The following TMEM132B variants were observed in gnomAD, a reference collection of about 807,000 sequenced individuals.
TMEM132B encodes the protein transmembrane protein 132B.
A neutral mutation model predicts 90.8 loss-of-function variants in TMEM132B; 18 were observed. The ratio of observed to expected loss-of-function variants is 0.20; its 90% CI spans 0.14 to 0.29. The LOEUF (loss-of-function observed/expected upper bound fraction) is 0.29, where lower values mean the gene tolerates loss of function less well. Ranked by LOEUF, TMEM132B falls within the 10% of genes least tolerant of loss-of-function variation. TMEM132B has a pLI of 1.00. For missense variants in TMEM132B, 1,096 were observed against 1,326.8 expected, an observed-to-expected ratio of 0.83 and a Z score of 2.70; for synonymous variants, 504 against 523.3, an observed-to-expected ratio of 0.96 and a Z score of 0.50.
At chr12:125,512,323 G>T (rs1369034663) in intron 3 of TMEM132B, among the ~76,000 whole-genome samples, 1 of 152,152 alleles carries the variant, frequency 6.6e-6, no homozygotes, top group Non-Finnish European at 1.5e-5. Flanking sequence ...TTACTATTTT[G>T]GGGGGTATAG....
At chr12:125,529,665 T>C (rs1310367072) in intron 4 of TMEM132B, among the ~76,000 whole-genome samples, 9 of 152,230 alleles carry the variant, frequency 5.9e-5, no homozygotes, top group Non-Finnish European at 1.3e-4. Context: ...ACATGGGCCC[T>C]TGGGGTCTGT....
intron 5 of TMEM132B, among the ~76,000 whole-genome samples, chr12:125,629,568 A>G (rs180908447): frequency 6.6e-6 from 1 of 152,076 alleles, no homozygotes; most frequent in Non-Finnish European, 1.5e-5. Flanking sequence ...CAAATATAAG[A>G]TCATATAATC....
chr12:125,334,221 T>TA (rs1167974485), intron 1 of TMEM132B, among the ~76,000 whole-genome samples: 1 of 152,224 alleles, frequency 6.6e-6, no homozygotes, highest in African/African-American at 2.4e-5. Context: ...AATTAACACA[T>TA]ATGCAGAATC....
chr12:125,631,131 A>G (rs575651496), intron 5 of TMEM132B, among the ~76,000 whole-genome samples: 2 of 152,172 alleles, frequency 1.3e-5, no homozygotes, highest in East Asian at 3.9e-4. Context: ...TTACAGCTAT[A>G]TACTTCCCTT....
At chr12:125,612,307 C>T (rs1885850964) in intron 5 of TMEM132B, among the ~76,000 whole-genome samples, 1 of 151,736 alleles carries the variant, frequency 6.6e-6, no homozygotes, top group Non-Finnish European at 1.5e-5. Flanking sequence ...AACCCTGCCT[C>T]TACTAGAAAT....
At chr12:125,584,662 T>C (rs1348304731) in intron 5 of TMEM132B, 3 of 152,318 alleles carry the variant, frequency 2.0e-5, no homozygotes, top group Admixed American at 2.0e-4. Context: ...TTCTGCTAGA[T>C]TCTTCACTCA....
chr12:125,518,698 C>A (rs543959590), intron 3 of TMEM132B, among the ~76,000 whole-genome samples: 1 of 152,214 alleles, frequency 6.6e-6, no homozygotes, highest in African/African-American at 2.4e-5. Flanking sequence ...TCACACTAGT[C>A]TTTTTCAGTT....
At chr12:125,418,346 A>G (rs1880079022) in intron 3 of TMEM132B, among the ~76,000 whole-genome samples, 1 of 152,196 alleles carries the variant, frequency 6.6e-6, no homozygotes, top group Non-Finnish European at 1.5e-5. Context: ...ACATTGTCTC[A>G]TAAAGGAGAA....
In TMEM132B at chr12:125,581,538, C is replaced by T. The variant is rs1322077297; in HGVS notation, c.1294-2313C>T. 4.6e-5 allele frequency among the ~76,000 whole-genome samples: 7 copies of T among 152,140 alleles called. No homozygotes were observed. The East Asian group carries it at 5.8e-4, about 13-fold the overall frequency. On this transcript the variant is annotated intron_variant, in intron 4 of 8. Transcript: ENST00000682704. ...TGTATTTTGGTCATGTGCTTTTCTG[C>T]GAAGTCTGACTGGGTGTTCTGGGAT...
At chr12:125,190,488 T>G (rs1023533427) in intron 1 of TMEM132B, among the ~76,000 whole-genome samples, 26 of 38,110 alleles carry the variant, frequency 6.8e-4, no homozygotes, top group Non-Finnish European at 8.4e-4. Context: ...TGGGAAGGGG[T>G]GGTGATGGTG....
chr12:125,656,858 A>G lies in TMEM132B; in HGVS notation c.*2148A>G, dbSNP rs1887076111. 6.6e-6 allele frequency: 1 copy of G among 152,254 alleles called. No individual in the cohort carries two copies. The highest frequency in any genetic ancestry group is 1.5e-5 in the Non-Finnish European group (1 of 68,076). 9.4% of individuals were successfully genotyped at this position (152,254 alleles called of 1,614,324 possible). On this transcript the variant is annotated 3_prime_UTR_variant, in exon 9 of 9. Coordinates refer to ENST00000682704, the MANE Select transcript of TMEM132B (RefSeq NM_001366854.1). Reference sequence around the variant, plus strand: ...CCTTTGGATCTCTGGCATTCCAGAAAGACTGGGAATTCATTTCTGAAAATG... The same window carrying G: ...CCTTTGGATCTCTGGCATTCCAGAAGGACTGGGAATTCATTTCTGAAAATG...
At chr12:125,369,373 T>C (rs1878227089) in intron 2 of TMEM132B, among the ~76,000 whole-genome samples, 1 of 152,232 alleles carries the variant, frequency 6.6e-6, no homozygotes, top group Non-Finnish European at 1.5e-5. Context: ...TTATAATCCT[T>C]TGGGTATATA....
intron 4 of TMEM132B, among the ~76,000 whole-genome samples, chr12:125,531,725 C>T (rs557636789): frequency 1.3e-5 from 2 of 152,358 alleles, no homozygotes; most frequent in South Asian, 2.1e-4. Flanking sequence ...CGCACCATTT[C>T]ACCTGATTGA....
At chr12:125,536,765 A>G (rs1046613662) in intron 4 of TMEM132B, among the ~76,000 whole-genome samples, 2 of 152,200 alleles carry the variant, frequency 1.3e-5, no homozygotes. Context: ...AGATGCCCAC[A>G]TGTGAATTCC....
intron 5 of TMEM132B, among the ~76,000 whole-genome samples, chr12:125,637,287 G>A (rs1480744883): frequency 1.3e-5 from 2 of 152,128 alleles, no homozygotes; most frequent in African/African-American, 4.8e-5. Context: ...CATACAGCGG[G>A]GATCAGAGGA....
At chr12:125,399,483 A>ATGTGTGTGTGTG (rs1555246075) in intron 2 of TMEM132B, among the ~76,000 whole-genome samples, 10 of 69,852 alleles carry the variant, frequency 1.4e-4, no homozygotes, top group African/African-American at 3.9e-4. Context: ...GTGTGTGTGT[A>ATGTGTGTGTGTG]TGTGTGTGTG....
chr12:125,612,685 C>A (rs959172281), intron 5 of TMEM132B, among the ~76,000 whole-genome samples: 1 of 142,164 alleles, frequency 7.0e-6, no homozygotes, highest in Non-Finnish European at 1.5e-5. Context: ...ATTAAAAAAT[C>A]CATCTTATGT....
intron 4 of TMEM132B, 112 bp from the exon 5 acceptor site, chr12:125,583,739 C>T: frequency 7.6e-7 from 1 of 1,311,184 alleles, no homozygotes; most frequent in East Asian, 2.3e-5. Context: ...AGACAACTGT[C>T]TAAATCGCAG....
chr12:125,652,670 G>A (rs922040476), intron 8 of TMEM132B, 38 bp downstream of exon 8: 4 of 1,574,980 alleles, frequency 2.5e-6, no homozygotes, highest in Non-Finnish European at 2.6e-6. Flanking sequence ...TGGTCAGTGG[G>A]GATGACTTCT....
Sources: gnomAD v4.1 joint callset for allele counts (sites outside exome capture counted in the v4.1 genomes callset) on GRCh38, gnomAD v4.1.1 for gene constraint, MANE v1.5 for transcripts, NCBI Gene and HGNC (gene_info 2026-07-23, HGNC 2026-07-21) for gene names.